The following NF2 variants were observed in gnomAD, a reference collection of about 807,000 sequenced individuals.
NF2 encodes the protein merlin.
NF2 carries 8 observed loss-of-function variants against 83.7 expected under a neutral mutation model. The ratio of observed to expected loss-of-function variants is 0.10; its 90% CI spans 0.06 to 0.17. The LOEUF is 0.17. NF2 is among the 10% of genes least tolerant of loss of function. The probability of loss-of-function intolerance (pLI) is 1.00; values close to 1 mark genes in which losing one functional copy is unlikely to be tolerated. For synonymous variants in NF2, 266 were observed against 269.6 expected, an observed-to-expected ratio of 0.99 and a Z score of 0.13; for missense variants, 533 against 744.4, an observed-to-expected ratio of 0.72 and a Z score of 3.31.
At chr22:29,676,979 TG>T (rs1325418018) in intron 13 of NF2, among the ~76,000 whole-genome samples, 2 of 152,190 alleles carry the variant, frequency 1.3e-5, no homozygotes, top group African/African-American at 4.8e-5. Flanking sequence ...AGGACATCCC[TG>T]GCACCCAAGG....
rs141651244 is a variant in NF2, at chr22:29,627,224, G to A, written c.115-9527G>A. On this transcript the variant is annotated intron_variant, in intron 1 of 15. Transcript: ENST00000338641. ...GTCATGTCAAGCTCATAGACTCAGA[G>A]AGTGGTGTTAATCCTGAAGACCACT... 1.4e-3 allele frequency among the ~76,000 whole-genome samples: 213 copies of A among 152,312 alleles called. 8 individuals are homozygous for A. The highest frequency in any genetic ancestry group is 0.012 in the East Asian group (63 of 5,178).
At chr22:29,683,301 G>T in intron 15 of NF2, 1 of 1,433,386 alleles carries the variant, frequency 7.0e-7, no homozygotes, top group Non-Finnish European at 9.1e-7. Flanking sequence ...ATGTCATGGG[G>T]CTGTAGGACC....
At position 29,696,063 on chromosome 22, in the gene NF2, T is replaced by TTTA; in HGVS notation, c.*1263_*1264insATT. ...TTGGTCTGGGGCCACCTTCTTGCCC[T>TTTA]TTCTTTTTTTTTTTTTTTTTTTTTT... On this transcript the variant is annotated 3_prime_UTR_variant, in exon 16 of 16. Coordinates refer to ENST00000338641, the MANE Select transcript of NF2 (RefSeq NM_000268.4). The TTTA allele has an allele frequency of 1.3e-5, 3 of 224,958 alleles. No homozygotes were observed. The highest frequency in any genetic ancestry group is 2.6e-5 in the Non-Finnish European group (3 of 114,682). The allele number at this position is 224,958 out of a possible 1,614,324, so 13.9% of individuals were successfully genotyped here. A position where few individuals can be genotyped will look rare whatever the true frequency, so the allele number is the denominator to read the frequency against.
At chr22:29,657,088 C>T (rs2146983498) in intron 6 of NF2, among the ~76,000 whole-genome samples, 1 of 151,912 alleles carries the variant, frequency 6.6e-6, no homozygotes, top group African/African-American at 2.4e-5. Context: ...ACAACTTGAT[C>T]AATTATTGTA....
Position 29,673,273 on chromosome 22 carries a change from G to T in NF2, c.1127G>T (p.Arg376Leu), listed in dbSNP as rs996964764. Residue 376 changes from arginine to leucine, a missense_variant, in exon 12 of 16, where the codon CGG becomes CTG. By Grantham distance (102) the Arg-to-Leu change is moderately radical (BLOSUM62 -2). Coordinates refer to ENST00000338641, the MANE Select transcript of NF2 (RefSeq NM_000268.4). Reference protein sequence around the residue: ...EATMANEALMRSEETADLLAE... With the variant: ...EATMANEALMLSEETADLLAE... Reference sequence around the variant, plus strand: ...TAAGAGCACTGTGCCCTCCAGATGCGGTCTGAGGAGACAGCTGACCTGTTG... The same window carrying T: ...TAAGAGCACTGTGCCCTCCAGATGCTGTCTGAGGAGACAGCTGACCTGTTG... 3.2e-6 allele frequency: 5 copies of T among 1,569,406 alleles called. No homozygotes were observed. In the South Asian group the frequency reaches 5.9e-5, roughly 18 times the overall value.
At chr22:29,688,909 G>C (rs934667874) in intron 15 of NF2, among the ~76,000 whole-genome samples, 2 of 152,126 alleles carry the variant, frequency 1.3e-5, no homozygotes, top group African/African-American at 2.4e-5. Context: ...GGCCGGACGC[G>C]GTGGCTTATG....
chr22:29,619,082 C>T (rs1024272290), intron 1 of NF2, among the ~76,000 whole-genome samples: 1 of 151,766 alleles, frequency 6.6e-6, no homozygotes, highest in African/African-American at 2.4e-5. Flanking sequence ...TGGAGTTTCA[C>T]TCTTGTTGCC....
At chr22:29,654,293 T>C (rs1295850733) in intron 4 of NF2, among the ~76,000 whole-genome samples, 1 of 152,196 alleles carries the variant, frequency 6.6e-6, no homozygotes. Context: ...AAGACTCTTA[T>C]CATATGTTGT....
chr22:29,609,265 G>A, intron 1 of NF2: 1 of 712,582 alleles, frequency 1.4e-6, no homozygotes, highest in East Asian at 2.8e-5. Context: ...GGTTTGGAGG[G>A]CATAAATTCA....
chr22:29,673,537 A>T (rs1404393463), intron 12 of NF2, 51 bp downstream of exon 12: 1 of 1,558,492 alleles, frequency 6.4e-7, no homozygotes, highest in East Asian at 2.3e-5. Context: ...GAAGGGCCGC[A>T]GACCAGCCTG....
intron 4 of NF2, among the ~76,000 whole-genome samples, chr22:29,645,997 C>A (rs922092100): frequency 2.6e-5 from 4 of 152,184 alleles, no homozygotes; most frequent in Non-Finnish European, 5.9e-5. Context: ...CTATGACATA[C>A]TTCCAGTTTC....
chr22:29,644,933 A>G (rs2065942758), intron 4 of NF2, among the ~76,000 whole-genome samples: 1 of 151,862 alleles, frequency 6.6e-6, no homozygotes, highest in Non-Finnish European at 1.5e-5. Flanking sequence ...GAGGGAGACC[A>G]TGGGGAGAGG....
At position 29,695,475 on chromosome 22, in the gene NF2, C is replaced by T. The variant is rs908763739; in HGVS notation, c.*673C>T. The T allele has an allele frequency of 3.6e-5, 9 of 248,444 alleles. No homozygotes were observed. The highest frequency in any genetic ancestry group is 4.8e-5 in the Non-Finnish European group (6 of 126,042). The allele number at this position is 248,444 out of a possible 1,614,324, so 15.4% of individuals were successfully genotyped here. ...GCTGTGATGCAGGCTGACTGCCAGC[C>T]GAGGGGCTGGGTAGTGCCGTGCGGG... On this transcript the variant is annotated 3_prime_UTR_variant, in exon 16 of 16. Transcript: ENST00000338641. The surrounding 1 kb of genome is among the most constrained non-coding windows in gnomAD (Gnocchi z 5.4).
intron 9 of NF2, among the ~76,000 whole-genome samples, chr22:29,665,779 A>G (rs1013861747): frequency 4.0e-5 from 6 of 151,858 alleles, no homozygotes; most frequent in Non-Finnish European, 2.9e-5. Context: ...AAGAAAAAGA[A>G]AAAGGAAAAA....
intron 1 of NF2, among the ~76,000 whole-genome samples, chr22:29,620,720 G>T (rs1360924770): frequency 6.6e-6 from 1 of 151,370 alleles, no homozygotes; most frequent in Non-Finnish European, 1.5e-5. Flanking sequence ...GAGAGACTCC[G>T]ACTCCAAAAA....
chr22:29,655,376 G>T (rs942289676), intron 5 of NF2, among the ~76,000 whole-genome samples: 2 of 152,176 alleles, frequency 1.3e-5, no homozygotes, highest in Non-Finnish European at 2.9e-5. Flanking sequence ...GATGAGGGTT[G>T]CACCTAGGTC....
intron 4 of NF2, among the ~76,000 whole-genome samples, chr22:29,653,600 A>G (rs751324857): frequency 6.6e-6 from 1 of 152,208 alleles, no homozygotes; most frequent in Non-Finnish European, 1.5e-5. Flanking sequence ...ATGAGACATG[A>G]TTTAAAGTTA....
At position 29,675,001 on chromosome 22, in the gene NF2, C is replaced by T. The variant is rs541351155; in HGVS notation, c.1446+60C>T. The T allele has an allele frequency of 1.6e-5, 23 of 1,434,670 alleles. No individual in the cohort carries two copies. In the East Asian group the frequency reaches 2.5e-4, roughly 15 times the overall value. The allele number at this position is 1,434,670 out of a possible 1,614,324, so 88.9% of individuals were successfully genotyped here. ...GTCCTGGTGATGTTCTCTTTCCTCC[C>T]GGCCCTTCAGTTCATCTGGCGGTGC... On this transcript the variant is annotated intron_variant, in intron 13 of 15. Coordinates refer to ENST00000338641, the MANE Select transcript of NF2 (RefSeq NM_000268.4).
intron 15 of NF2, among the ~76,000 whole-genome samples, chr22:29,691,590 T>C (rs2067405014): frequency 6.6e-6 from 1 of 152,258 alleles, no homozygotes; most frequent in Admixed American, 6.5e-5. Flanking sequence ...CCATTTCTTC[T>C]GAGCTTTTGC....
Sources: gnomAD v4.1 joint callset for allele counts (sites outside exome capture counted in the v4.1 genomes callset) on GRCh38, gnomAD v4.1.1 for gene constraint, Gnocchi (gnomAD v3.1) non-coding constraint, MANE v1.5 for transcripts, NCBI Gene and HGNC (gene_info 2026-07-23, HGNC 2026-07-21) for gene names.